CHST11: variants seen among roughly 807,000 people sequenced by gnomAD.
The protein encoded by CHST11 is C4S-1.
Under a neutral mutation model 30.4 loss-of-function variants are expected in CHST11, and 9 were observed. That is an observed-to-expected ratio of 0.30 (90% CI 0.18 to 0.52). The LOEUF is 0.52. Ranked by LOEUF, CHST11 falls within the 20% of genes least tolerant of loss-of-function variation. CHST11 has a pLI of 0.97. For missense variants in CHST11, 348 were observed against 460.6 expected, an observed-to-expected ratio of 0.76 and a Z score of 2.24; for synonymous variants, 152 against 187.8, an observed-to-expected ratio of 0.81 and a Z score of 1.56.
chr12:104,524,935 T>C (rs2135990588), intron 1 of CHST11, among the ~76,000 whole-genome samples: 1 of 152,324 alleles, frequency 6.6e-6, no homozygotes, highest in South Asian at 2.1e-4. Flanking sequence ...CATTTGTTTT[T>C]ATAAACTCAA....
At chr12:104,617,661 G>A (rs1592796560) in intron 2 of CHST11, among the ~76,000 whole-genome samples, 1 of 152,192 alleles carries the variant, frequency 6.6e-6, no homozygotes, top group African/African-American at 2.4e-5. Context: ...AGGCCACAAA[G>A]TGTAACAGTT....
chr12:104,509,131 C>G (rs1224203837), intron 1 of CHST11, among the ~76,000 whole-genome samples: 1 of 152,198 alleles, frequency 6.6e-6, no homozygotes, highest in Non-Finnish European at 1.5e-5. Context: ...GGTCATTGAA[C>G]CATGGGGGCA....
chr12:104,636,401 T>A (rs2039323453), intron 2 of CHST11, among the ~76,000 whole-genome samples: 1 of 152,164 alleles, frequency 6.6e-6, no homozygotes, highest in African/African-American at 2.4e-5. Flanking sequence ...TTTATACAGT[T>A]CTCTCCGTCT....
At chr12:104,715,936 C>T (rs1167038080) in intron 2 of CHST11, among the ~76,000 whole-genome samples, 2 of 152,202 alleles carry the variant, frequency 1.3e-5, no homozygotes, top group African/African-American at 2.4e-5. Flanking sequence ...GTATTAGATC[C>T]GCGTTTAATG....
chr12:104,493,757 G>A lies in CHST11; in HGVS notation c.118+36228G>A, dbSNP rs182167370. 2.2e-3 allele frequency among the ~76,000 whole-genome samples: 336 copies of A among 152,334 alleles called. 2 individuals are homozygous for A. Among genetic ancestry groups the A allele is most frequent in the Non-Finnish European group, 4.0e-3 (270 of 68,032 alleles). On this transcript the variant is annotated intron_variant, in intron 1 of 2. Coordinates refer to ENST00000303694, the MANE Select transcript of CHST11 (RefSeq NM_018413.6). ...ACACATTTACAGTTTGTGGAGGGCC[G>A]TCCCTTCGGACACATTTCATCAGTG...
chr12:104,693,485 GGC>G (rs2039917415), intron 2 of CHST11, among the ~76,000 whole-genome samples: 1 of 152,178 alleles, frequency 6.6e-6, no homozygotes, highest in African/African-American at 2.4e-5. Flanking sequence ...GGCTGTCTCA[GGC>G]ACACCAGGAT....
chr12:104,554,248 G>T (rs929198300), intron 1 of CHST11, among the ~76,000 whole-genome samples: 1 of 152,116 alleles, frequency 6.6e-6, no homozygotes, highest in African/African-American at 2.4e-5. Context: ...GGTTACTGGG[G>T]TTGTCTTAGA....
chr12:104,599,686 G>A (rs983727142), intron 1 of CHST11, among the ~76,000 whole-genome samples: 7 of 152,026 alleles, frequency 4.6e-5, no homozygotes, highest in African/African-American at 1.7e-4. Context: ...ATTGACATTT[G>A]CCTGCGATTC....
chr12:104,682,084 C>T (rs1034177247), intron 2 of CHST11, among the ~76,000 whole-genome samples: 12 of 152,188 alleles, frequency 7.9e-5, no homozygotes, highest in Middle Eastern at 6.8e-3. Flanking sequence ...CCACCTGCCT[C>T]GGCCTCCCAA....
At chr12:104,513,139 T>TGGGGGGGGGG (rs1565969846) in intron 1 of CHST11, among the ~76,000 whole-genome samples, 20 of 2,932 alleles carry the variant, frequency 6.8e-3, no homozygotes, top group South Asian at 0.014. Flanking sequence ...GGGGGGGGGT[T>TGGGGGGGGGG]GGGGGTGGGG....
chr12:104,708,730 G>A (rs1364433710), intron 2 of CHST11, among the ~76,000 whole-genome samples: 1 of 152,188 alleles, frequency 6.6e-6, no homozygotes, highest in African/African-American at 2.4e-5. Flanking sequence ...TCTGGGCCAT[G>A]TAGAGACATC....
At chr12:104,677,822 C>T (rs746427939) in intron 2 of CHST11, among the ~76,000 whole-genome samples, 1 of 152,232 alleles carries the variant, frequency 6.6e-6, no homozygotes, top group African/African-American at 2.4e-5. Context: ...TGCTTGCCTT[C>T]CAGCCCCACC....
chr12:104,734,944 G>T (rs1404187170), intron 2 of CHST11, among the ~76,000 whole-genome samples: 2 of 152,208 alleles, frequency 1.3e-5, no homozygotes, highest in Non-Finnish European at 2.9e-5. Flanking sequence ...ACCCTGCCAG[G>T]CACCACATGC....
At chr12:104,720,541 C>T (rs2040167050) in intron 2 of CHST11, among the ~76,000 whole-genome samples, 1 of 152,192 alleles carries the variant, frequency 6.6e-6, no homozygotes, top group Admixed American at 6.5e-5. Context: ...GGGGTCTCCC[C>T]AGGACCACGG....
At chr12:104,541,460 C>G (rs970641209) in intron 1 of CHST11, among the ~76,000 whole-genome samples, 12 of 151,972 alleles carry the variant, frequency 7.9e-5, no homozygotes, top group Admixed American at 6.6e-4. Flanking sequence ...AACAAAATAA[C>G]GATGGTGTTT....
At chr12:104,462,160 A>G (rs1264601290) in intron 1 of CHST11, among the ~76,000 whole-genome samples, 1 of 134,702 alleles carries the variant, frequency 7.4e-6, no homozygotes, top group African/African-American at 2.9e-5. Context: ...AGAGTTAAAC[A>G]CCATCTCAAA....
chr12:104,659,919 T>G (rs886734967), intron 2 of CHST11, among the ~76,000 whole-genome samples: 3 of 149,662 alleles, frequency 2.0e-5, no homozygotes, highest in African/African-American at 7.4e-5. Context: ...GAGTTTGAGG[T>G]TACAGTGAGC....
chr12:104,559,470 C>T (rs1028860289), intron 1 of CHST11, among the ~76,000 whole-genome samples: 7 of 152,200 alleles, frequency 4.6e-5, no homozygotes, highest in Non-Finnish European at 4.4e-5. Flanking sequence ...CGGCTGGGCG[C>T]GGTGGCCCAT....
At chr12:104,725,304 T>C (rs902094848) in intron 2 of CHST11, among the ~76,000 whole-genome samples, 2 of 152,168 alleles carry the variant, frequency 1.3e-5, no homozygotes, top group African/African-American at 4.8e-5. Context: ...AGATGACCAT[T>C]TTCTAGATGA....
Sources: gnomAD v4.1 joint callset for allele counts (sites outside exome capture counted in the v4.1 genomes callset) on GRCh38, gnomAD v4.1.1 for gene constraint, MANE v1.5 for transcripts, NCBI Gene and HGNC (gene_info 2026-07-23, HGNC 2026-07-21) for gene names.